DIAPH2: variants seen among roughly 807,000 people sequenced by gnomAD.
The protein encoded by DIAPH2 is diaphanous related formin 2.
DIAPH2 carries 35 observed loss-of-function variants against 92.7 expected under a neutral mutation model. The ratio of observed to expected loss-of-function variants is 0.38; its 90% CI spans 0.29 to 0.50. The LOEUF is 0.50. Among genes scored for constraint, DIAPH2 ranks in the 20% least tolerant of loss-of-function variants. The probability of loss-of-function intolerance (pLI) is 0.94; values close to 1 mark genes in which losing one functional copy is unlikely to be tolerated. For missense variants in DIAPH2, 701 were observed against 819.5 expected (o/e 0.86, Z 1.77); for synonymous variants, 301 against 280.4 (o/e 1.07, Z -0.73).
At chrX:96,992,616 C>A (rs2066079800) in intron 17 of DIAPH2, among the ~76,000 whole-genome samples, 1 of 112,050 alleles carries the variant, frequency 8.9e-6, no homozygotes, top group Admixed American at 9.5e-5. Flanking sequence ...GCTACTTCCC[C>A]AAATAGTTTT....
At chrX:97,285,268 G>A (rs1252953656) in intron 23 of DIAPH2, among the ~76,000 whole-genome samples, 4 of 107,750 alleles carry the variant, frequency 3.7e-5, no homozygotes, top group African/African-American at 1.0e-4. Flanking sequence ...GGCCGGGCGC[G>A]GTGGCTCATG....
intron 23 of DIAPH2, among the ~76,000 whole-genome samples, chrX:97,304,031 G>GA (rs2068727195): frequency 9.0e-6 from 1 of 111,651 alleles, no homozygotes; most frequent in African/African-American, 3.2e-5. Context: ...TTCAGGGGGA[G>GA]AAAAAAATCA....
At chrX:97,402,236 G>GTGTGTA (rs1230051693) in intron 25 of DIAPH2, among the ~76,000 whole-genome samples, 2 of 110,213 alleles carry the variant, frequency 1.8e-5, no homozygotes, top group Non-Finnish European at 3.8e-5. Flanking sequence ...GTGTGTGTGT[G>GTGTGTA]TAGATGTATT....
At position 97,230,351 on chromosome X, in the gene DIAPH2, T is replaced by C. The variant is rs187028090; in HGVS notation, c.2720-17364T>C. Among the ~76,000 whole-genome samples the C allele has an allele frequency of 5.9e-3, 656 of 111,895 alleles. 8 individuals carry two copies. The highest frequency in any genetic ancestry group is 0.02 in the African/African-American group (628 of 30,876). ...AGATTAGAGGCATTTTTGGAAAGTT[T>C]CCTATGAAAAATATTTTCCATTTAC... On this transcript the variant is annotated intron_variant, in intron 22 of 26. Transcript: ENST00000324765.
At chrX:97,507,980 A>C (rs1006740202) in intron 26 of DIAPH2, among the ~76,000 whole-genome samples, 3 of 110,920 alleles carry the variant, frequency 2.7e-5, no homozygotes, top group Non-Finnish European at 5.7e-5. Flanking sequence ...TACGTGACTC[A>C]TTTCTGTAAC....
intron 26 of DIAPH2, among the ~76,000 whole-genome samples, chrX:97,473,517 G>C (rs942847142): frequency 8.1e-5 from 9 of 110,845 alleles, no homozygotes; most frequent in Non-Finnish European, 1.7e-4. Flanking sequence ...TGCATTTTTA[G>C]TAGAGACGGG....
chrX:97,543,100 C>T (rs1287522609), intron 26 of DIAPH2, among the ~76,000 whole-genome samples: 1 of 112,694 alleles, frequency 8.9e-6, no homozygotes, highest in African/African-American at 3.2e-5. Flanking sequence ...CTAGTCTCAT[C>T]TGAAGTCACT....
chrX:97,189,430 T>C (rs1602403945), intron 22 of DIAPH2, among the ~76,000 whole-genome samples: 6 of 84,726 alleles, frequency 7.1e-5, no homozygotes, highest in East Asian at 3.9e-4. Flanking sequence ...GAATCAGTCG[T>C]CCCCCCCCCT....
intron 23 of DIAPH2, among the ~76,000 whole-genome samples, chrX:97,347,380 C>T (rs2069168253): frequency 9.1e-6 from 1 of 109,828 alleles, no homozygotes; most frequent in African/African-American, 3.3e-5. Flanking sequence ...TGAGCCACTG[C>T]ACCTGGCCTC....
chrX:97,333,145 C>A (rs976891694), intron 23 of DIAPH2, among the ~76,000 whole-genome samples: 1 of 111,753 alleles, frequency 8.9e-6, no homozygotes, highest in Non-Finnish European at 1.9e-5. Flanking sequence ...ACTGAACCAA[C>A]AAGAATGTTA....
At chrX:96,825,354 CTT>C (rs57788752) in intron 4 of DIAPH2, among the ~76,000 whole-genome samples, 9 of 82,541 alleles carry the variant, frequency 1.1e-4, no homozygotes, top group East Asian at 7.0e-4. Flanking sequence ...CATGTGTTTT[CTT>C]TTTTTTTTTT....
chrX:97,222,936 C>T lies in DIAPH2; in HGVS notation c.2720-24779C>T, dbSNP rs916676017. ...TGATTGGATCAAGGGATCCTCCTAT[C>T]TCAGTCTCCTCAGTAGCTGGGACCA... is the stretch of plus-strand genomic sequence containing the variant. On this transcript the variant is annotated intron_variant, in intron 22 of 26. Coordinates refer to ENST00000324765, the MANE Select transcript of DIAPH2 (RefSeq NM_006729.5). 2.7e-5 allele frequency among the ~76,000 whole-genome samples: 3 copies of T among 111,353 alleles called. No individual in the cohort carries two copies. The East Asian group carries it at 8.5e-4, about 32-fold the overall frequency.
chrX:97,258,609 C>G (rs2068259226), intron 23 of DIAPH2, among the ~76,000 whole-genome samples: 1 of 106,441 alleles, frequency 9.4e-6, no homozygotes, highest in Non-Finnish European at 1.9e-5. Flanking sequence ...GTGGCTCACG[C>G]CTGTAATCCC....
rs111357162 is a variant in DIAPH2, at chrX:97,058,142, G to A, written c.2051-14799G>A. Among the ~76,000 whole-genome samples, 847 of 111,427 alleles carry A rather than the reference G, an allele frequency of 7.6e-3. 10 individuals are homozygous for A. The highest frequency in any genetic ancestry group is 0.026 in the African/African-American group (807 of 30,662). On this transcript the variant is annotated intron_variant, in intron 17 of 26. Coordinates refer to ENST00000324765, the MANE Select transcript of DIAPH2 (RefSeq NM_006729.5). ...ATCGTTGAACAGTATAATCTCTTTT[G>A]CACAGTTCCTATTGATTTTATCCAG...
intron 26 of DIAPH2, among the ~76,000 whole-genome samples, chrX:97,590,743 C>A (rs1231238140): frequency 1.8e-5 from 2 of 111,779 alleles, no homozygotes; most frequent in African/African-American, 6.5e-5. Flanking sequence ...ATGCCTTCAT[C>A]GGCTTTTCTA....
chrX:96,894,974 ATTTTT>A (rs766131166), intron 5 of DIAPH2, among the ~76,000 whole-genome samples: 63 of 59,537 alleles, frequency 1.1e-3, no homozygotes, highest in African/African-American at 2.9e-3. Flanking sequence ...GTTTTTCTTA[ATTTTT>A]TTTTTTTTTT....
At chrX:97,081,288 G>A (rs1013056906) in intron 19 of DIAPH2, among the ~76,000 whole-genome samples, 6 of 109,598 alleles carry the variant, frequency 5.5e-5, no homozygotes, top group East Asian at 5.7e-4. Flanking sequence ...TTTTATTGAC[G>A]TTTCCTTTGA....
At chrX:96,836,790 C>T (rs1188341271) in intron 4 of DIAPH2, among the ~76,000 whole-genome samples, 41 of 79,695 alleles carry the variant, frequency 5.1e-4, no homozygotes, top group African/African-American at 1.6e-3. Context: ...TGCAGTGGCG[C>T]GATCTCGGCT....
intron 17 of DIAPH2, among the ~76,000 whole-genome samples, chrX:97,005,486 A>G (rs146614135): frequency 9.0e-6 from 1 of 111,120 alleles, no homozygotes; most frequent in South Asian, 3.7e-4. Context: ...TGGTCTGTTC[A>G]GGTTTTGGAT....
Sources: allele counts gnomAD v4.1 joint callset (sites outside exome capture counted in the v4.1 genomes callset), GRCh38; gene constraint gnomAD v4.1.1; transcripts MANE v1.5; gene names NCBI Gene and HGNC (gene_info 2026-07-23, HGNC 2026-07-21).